WDR7: variants seen among roughly 807,000 people sequenced by gnomAD.
The protein encoded by WDR7 is WD repeat-containing protein 7.
A neutral mutation model predicts 169.4 loss-of-function variants in WDR7; 46 were observed. That is an observed-to-expected ratio of 0.27 (90% confidence interval 0.21 to 0.35). WDR7 has a LOEUF of 0.35. Ranked by LOEUF, WDR7 falls within the 10% of genes least tolerant of loss-of-function variation. The pLI is 1.00. For synonymous variants in WDR7, 612 were observed against 666.8 expected (o/e 0.92, Z 1.27); for missense variants, 1,534 against 1,859.3 (o/e 0.83, Z 3.22).
intron 21 of WDR7, among the ~76,000 whole-genome samples, chr18:56,900,974 A>G (rs1599141978): frequency 6.6e-6 from 1 of 152,242 alleles, no homozygotes; most frequent in Non-Finnish European, 1.5e-5. Flanking sequence ...GTAAACAATG[A>G]ATTTAGAGCT....
intron 26 of WDR7, among the ~76,000 whole-genome samples, chr18:56,969,624 A>T (rs997936995): frequency 6.6e-6 from 1 of 152,212 alleles, no homozygotes; most frequent in African/African-American, 2.4e-5. Context: ...GGCAAACAAA[A>T]ATGCTGAAGA....
rs1367414114 is a variant in WDR7 at position 56,779,503 on chromosome 18, C to T, written c.3020C>T (p.Pro1007Leu). Reference sequence around the variant, plus strand: ...CTGGGATTGGATAAATTTAGGCCTCCCCTTCTGGAGATGCTGGCCCGAAGA... The same window carrying T: ...CTGGGATTGGATAAATTTAGGCCTCTCCTTCTGGAGATGCTGGCCCGAAGA... ...DLLGLDKFRPPLLEMLARRWQ... is the reference protein window; with the variant it reads ...DLLGLDKFRPLLLEMLARRWQ... Residue 1007 changes from proline to leucine, a missense_variant, in exon 18 of 28, where the codon CCC (proline) becomes CTC (leucine). Pro to Leu is a moderately conservative substitution (Grantham distance 98, BLOSUM62 -3). Coordinates refer to ENST00000254442, the MANE Select transcript of WDR7 (RefSeq NM_015285.3). The T allele has an allele frequency of 6.2e-7, 1 of 1,613,808 alleles. No individual in the cohort carries two copies. The highest frequency in any genetic ancestry group is 1.3e-5 in the African/African-American group (1 of 74,890).
intron 26 of WDR7, among the ~76,000 whole-genome samples, chr18:56,975,593 A>G (rs2047554111): frequency 6.6e-6 from 1 of 152,124 alleles, no homozygotes; most frequent in Admixed American, 6.5e-5. Context: ...ATAAATTAAT[A>G]AAAGATCAGC....
At chr18:56,727,343 A>AT (rs148917459) in intron 13 of WDR7, among the ~76,000 whole-genome samples, 5,218 of 150,546 alleles carry the variant, frequency 0.035, 293 homozygotes, top group African/African-American at 0.12. Context: ...TTGGGAATGG[A>AT]TTTTTTTTTT....
chr18:56,939,202 A>G (rs1358349514), intron 24 of WDR7, 109 bp from the exon 25 acceptor site: 20 of 678,648 alleles, frequency 2.9e-5, no homozygotes, highest in Non-Finnish European at 4.6e-5. Context: ...AAATACTAAA[A>G]TAAAGCTATA....
chr18:56,708,897 A>T (rs1435853088), intron 12 of WDR7, among the ~76,000 whole-genome samples: 1 of 152,176 alleles, frequency 6.6e-6, no homozygotes, highest in Non-Finnish European at 1.5e-5. Context: ...AGATCGTGCC[A>T]CTGTACTCCA....
At chr18:56,681,425 CTATTATAAGTATATAATTTAAAA>C in intron 4 of WDR7, 34 bp downstream of exon 4, 2 of 1,303,438 alleles carry the variant, frequency 1.5e-6, no homozygotes, top group Non-Finnish European at 2.1e-6. Flanking sequence ...TAAGTACAAA[CTATTATAAGTATATAATTTAAAA>C]TATTTTTAAA....
rs1599038627 is a variant in WDR7, at chr18:56,781,716, A to G, written c.3190+60A>G. ...AGGAATATGTAGAAAAGGTACCTGT[A>G]CTCACAAATATATATGCTACTACCC... is the stretch of plus-strand genomic sequence containing the variant. On this transcript the variant is annotated intron_variant, in intron 19 of 27. Coordinates refer to ENST00000254442, the MANE Select transcript of WDR7 (RefSeq NM_015285.3). The G allele has an allele frequency of 3.5e-6, 5 of 1,420,210 alleles. No homozygotes were observed. The East Asian group carries it at 1.1e-4, about 30-fold the overall frequency. 88.0% of individuals were successfully genotyped at this position (1,420,210 alleles called of 1,614,324 possible).
intron 26 of WDR7, among the ~76,000 whole-genome samples, chr18:56,980,782 A>T (rs911413385): frequency 6.6e-6 from 1 of 152,104 alleles, no homozygotes; most frequent in Non-Finnish European, 1.5e-5. Flanking sequence ...GAGGTGAGGA[A>T]GATCTTAGGG....
chr18:56,945,692 G>A (rs532851950), intron 25 of WDR7, among the ~76,000 whole-genome samples: 1 of 152,228 alleles, frequency 6.6e-6, no homozygotes, highest in South Asian at 2.1e-4. Flanking sequence ...ACCTTCAAGA[G>A]AATGACCTGA....
intron 14 of WDR7, among the ~76,000 whole-genome samples, chr18:56,751,622 C>T (rs1235856976): frequency 1.3e-5 from 2 of 152,112 alleles, no homozygotes; most frequent in African/African-American, 2.4e-5. Flanking sequence ...ACATAACCAG[C>T]CGTAATACCT....
At chr18:56,809,629 G>T (rs2044835025) in intron 19 of WDR7, among the ~76,000 whole-genome samples, 2 of 151,448 alleles carry the variant, frequency 1.3e-5, no homozygotes, top group Non-Finnish European at 1.5e-5. Flanking sequence ...CATTTTCTTT[G>T]GTAGTGGATA....
intron 12 of WDR7, among the ~76,000 whole-genome samples, chr18:56,707,426 G>GTTTTTTT (rs1232820703): frequency 6.5e-5 from 8 of 123,862 alleles, no homozygotes; most frequent in Non-Finnish European, 7.0e-5. Context: ...TTTGCGTTTT[G>GTTTTTTT]TTTTTTTTTT....
At chr18:56,825,241 T>G (rs2045178944) in intron 20 of WDR7, among the ~76,000 whole-genome samples, 1 of 152,238 alleles carries the variant, frequency 6.6e-6, no homozygotes, top group Admixed American at 6.5e-5. Flanking sequence ...AAGGGCACTT[T>G]TATTTTTTGT....
chr18:56,838,729 C>T (rs563405260), intron 20 of WDR7, among the ~76,000 whole-genome samples: 2 of 152,178 alleles, frequency 1.3e-5, no homozygotes, highest in East Asian at 1.9e-4. Flanking sequence ...TGTTTATATG[C>T]GATGCTGTAT....
At chr18:56,940,024 T>A in intron 25 of WDR7, among the ~76,000 whole-genome samples, 1 of 152,144 alleles carries the variant, frequency 6.6e-6, no homozygotes, top group East Asian at 1.9e-4. Context: ...TTTATTTTTC[T>A]TTCAAAGCTG....
intron 26 of WDR7, among the ~76,000 whole-genome samples, chr18:56,975,921 G>T (rs1334562181): frequency 6.6e-6 from 1 of 152,128 alleles, no homozygotes; most frequent in Non-Finnish European, 1.5e-5. Flanking sequence ...ATTTTTAATT[G>T]TTAGTGACTG....
chr18:56,715,697 G>A (rs1321360132), intron 12 of WDR7, among the ~76,000 whole-genome samples: 1 of 152,088 alleles, frequency 6.6e-6, no homozygotes, highest in African/African-American at 2.4e-5. Context: ...AGTGTTGGGT[G>A]TGTGAATACT....
At chr18:56,779,659 T>C in intron 18 of WDR7, 110 bp downstream of exon 18, 1 of 798,780 alleles carries the variant, frequency 1.3e-6, no homozygotes, top group Non-Finnish European at 1.9e-6. Flanking sequence ...ATCTGTTCAT[T>C]ATGTGATAGA....
Sources: allele counts gnomAD v4.1 joint callset (sites outside exome capture counted in the v4.1 genomes callset), GRCh38; gene constraint gnomAD v4.1.1; transcripts MANE v1.5; gene names NCBI Gene and HGNC (gene_info 2026-07-23, HGNC 2026-07-21).